SLC8A1: variants seen among roughly 807,000 people sequenced by gnomAD.
SLC8A1 encodes solute carrier family 8 member A1, also known as sodium/calcium exchanger 1.
SLC8A1 carries 18 observed loss-of-function variants against 68.3 expected under a neutral mutation model. The observed-to-expected ratio is 0.26, with a 90% CI of 0.18 to 0.39. SLC8A1 has a LOEUF of 0.39. Ranked by LOEUF, SLC8A1 falls within the 10% of genes least tolerant of loss-of-function variation. The probability of loss-of-function intolerance (pLI) is 1.00; values close to 1 mark genes in which losing one functional copy is unlikely to be tolerated. For synonymous variants in SLC8A1, 475 were observed against 415.5 expected (o/e 1.14, Z -1.74); for missense variants, 985 against 1,156.7 (o/e 0.85, Z 2.15).
chr2:40,139,760 G>T (rs1573028789), intron 6 of SLC8A1, 84 bp from the exon 10 acceptor site: 2 of 1,435,786 alleles, frequency 1.4e-6, no homozygotes, highest in African/African-American at 1.4e-5. Flanking sequence ...ATCTAGGTCG[G>T]TCATCCCTCC....
chr2:40,183,270 G>A (rs1329778504), intron 2 of SLC8A1, among the ~76,000 whole-genome samples: 1 of 152,108 alleles, frequency 6.6e-6, no homozygotes, highest in Non-Finnish European at 1.5e-5. Context: ...TCATTCAACT[G>A]TGCAGTATTT....
At chr2:40,458,324 G>A (rs756736713) in intron 1 of SLC8A1, among the ~76,000 whole-genome samples, 9 of 152,208 alleles carry the variant, frequency 5.9e-5, no homozygotes, top group Non-Finnish European at 1.2e-4. Flanking sequence ...GCAGATTGGA[G>A]GATATGATCT....
intron 2 of SLC8A1, among the ~76,000 whole-genome samples, chr2:40,298,672 G>A (rs1283569259): frequency 6.6e-6 from 1 of 152,104 alleles, no homozygotes; most frequent in Non-Finnish European, 1.5e-5. Context: ...CTATGTTCAA[G>A]TTTTCGCTAA....
chr2:40,311,094 C>T (rs943443859), intron 2 of SLC8A1, among the ~76,000 whole-genome samples: 1 of 151,940 alleles, frequency 6.6e-6, no homozygotes, highest in Non-Finnish European at 1.5e-5. Flanking sequence ...ATTTTAAGTA[C>T]ATTAATAGAT....
At chr2:40,345,277 A>C (rs565785877) in intron 2 of SLC8A1, among the ~76,000 whole-genome samples, 1 of 152,340 alleles carries the variant, frequency 6.6e-6, no homozygotes, top group African/African-American at 2.4e-5. Flanking sequence ...CTACCTCATC[A>C]ATAACAACAT....
intron 2 of SLC8A1, among the ~76,000 whole-genome samples, chr2:40,370,300 C>T: frequency 6.6e-6 from 1 of 152,204 alleles, no homozygotes; most frequent in East Asian, 1.9e-4. Context: ...AAACAGGGTA[C>T]AGGACACCAG....
intron 2 of SLC8A1, among the ~76,000 whole-genome samples, chr2:40,191,090 G>A (rs1319514701): frequency 7.2e-5 from 11 of 152,156 alleles, no homozygotes; most frequent in African/African-American, 2.4e-4. Flanking sequence ...TCTATATGGT[G>A]AAATACTCCT....
At chr2:40,302,029 A>ATGTGTGTGTGTG (rs1405381831) in intron 2 of SLC8A1, among the ~76,000 whole-genome samples, 1 of 83,888 alleles carries the variant, frequency 1.2e-5, no homozygotes, top group African/African-American at 4.6e-5. Context: ...CACCGGGCTA[A>ATGTGTGTGTGTG]TCTGTGTGTG....
chr2:40,205,765 G>C (rs2055302244), intron 2 of SLC8A1, among the ~76,000 whole-genome samples: 1 of 147,296 alleles, frequency 6.8e-6, no homozygotes, highest in Admixed American at 6.9e-5. Context: ...GTTTACCTAT[G>C]TAGCAAACCT....
chr2:40,365,869 C>T (rs1575734439), intron 2 of SLC8A1, among the ~76,000 whole-genome samples: 2 of 151,768 alleles, frequency 1.3e-5, no homozygotes, highest in East Asian at 3.9e-4. Context: ...CATGATGGTG[C>T]ATGCCTGTAG....
intron 2 of SLC8A1, among the ~76,000 whole-genome samples, chr2:40,368,535 T>A (rs1676982514): frequency 6.6e-6 from 1 of 152,000 alleles, no homozygotes; most frequent in South Asian, 2.1e-4. Context: ...TGATTTTATT[T>A]AAAAAAACAG....
At chr2:40,365,615 G>C (rs560759420) in intron 2 of SLC8A1, among the ~76,000 whole-genome samples, 2 of 152,066 alleles carry the variant, frequency 1.3e-5, no homozygotes, top group East Asian at 3.9e-4. Flanking sequence ...AGAAGTCATG[G>C]GTCAGGTTTT....
intron 2 of SLC8A1, among the ~76,000 whole-genome samples, chr2:40,376,791 T>A (rs921522965): frequency 1.3e-5 from 2 of 152,234 alleles, no homozygotes; most frequent in South Asian, 2.1e-4. Flanking sequence ...ATGTCCTTAA[T>A]GCAGGAGGAG....
Position 40,164,839 on chromosome 2 carries a change from T to C in SLC8A1, c.2061+15A>G. ...GGTGAGACTGGCTCCTGGTGGGCAG[T>C]GTTGGTGAGCATACCTTGAATTCAT... On this transcript the variant is annotated intron_variant, in intron 5 of 7. Transcript: ENST00000406785. 6.2e-7 allele frequency: 1 copy of C among 1,613,436 alleles called. No homozygotes were observed. Among genetic ancestry groups the C allele is most frequent in the Non-Finnish European group, 8.5e-7 (1 of 1,179,674 alleles).
intron 1 of SLC8A1, among the ~76,000 whole-genome samples, chr2:40,440,038 T>G (rs1700190504): frequency 6.6e-6 from 1 of 152,068 alleles, no homozygotes; most frequent in Admixed American, 6.6e-5. Context: ...TAGTCAAATC[T>G]TATTATTTAG....
chr2:40,278,135 G>A (rs2067010935), intron 2 of SLC8A1, among the ~76,000 whole-genome samples: 1 of 151,910 alleles, frequency 6.6e-6, no homozygotes, highest in Non-Finnish European at 1.5e-5. Context: ...GGTTATTTTT[G>A]TAGACATTAA....
At chr2:40,192,424 C>T (rs926617842) in intron 2 of SLC8A1, among the ~76,000 whole-genome samples, 3 of 152,018 alleles carry the variant, frequency 2.0e-5, no homozygotes, top group African/African-American at 4.8e-5. Flanking sequence ...ATACAATTGA[C>T]TGCTAGAACA....
chr2:40,453,539 C>G (rs189530020), upstream of SLC8A1: 5 of 152,350 alleles, frequency 3.3e-5, no homozygotes, highest in East Asian at 9.7e-4. Flanking sequence ...TCTCAACCCT[C>G]CTTGCACCTC....
intron 1 of SLC8A1, among the ~76,000 whole-genome samples, chr2:40,444,665 T>C (rs1407329643): frequency 2.0e-5 from 3 of 152,216 alleles, no homozygotes; most frequent in South Asian, 2.1e-4. Context: ...AATTAAAATG[T>C]TTCTTACCTT....
Sources: gnomAD v4.1 joint callset for allele counts (sites outside exome capture counted in the v4.1 genomes callset) on GRCh38, gnomAD v4.1.1 for gene constraint, MANE v1.5 for transcripts, NCBI Gene and HGNC (gene_info 2026-07-23, HGNC 2026-07-21) for gene names.